The following CACNA1E variants were observed in gnomAD, a reference collection of about 807,000 sequenced individuals.
CACNA1E encodes calcium voltage-gated channel subunit alpha1 E.
Under a neutral mutation model 259.2 loss-of-function variants are expected in CACNA1E, and 40 were observed. That is an observed-to-expected ratio of 0.15 (90% CI 0.12 to 0.20). CACNA1E has a LOEUF of 0.20. Ranked by LOEUF, CACNA1E falls within the 10% of genes least tolerant of loss-of-function variation. CACNA1E has a pLI of 1.00. For missense variants in CACNA1E, 1,874 were observed against 3,040.1 expected (o/e 0.62, Z 9.02); for synonymous variants, 1,104 against 1,138.5 (o/e 0.97, Z 0.61).
chr1:181,601,670 A>C (rs1161406625), intron 6 of CACNA1E, among the ~76,000 whole-genome samples: 1 of 152,142 alleles, frequency 6.6e-6, no homozygotes, highest in African/African-American at 2.4e-5. Context: ...CCCTGGTCTA[A>C]GCCACCACCA....
chr1:181,346,659 G>A (rs1180732564), intron 1 of CACNA1E, among the ~76,000 whole-genome samples: 2 of 152,194 alleles, frequency 1.3e-5, no homozygotes, highest in African/African-American at 4.8e-5. Context: ...CCAATCTCAG[G>A]TGTGTCAATG....
chr1:181,322,264 G>A (rs1188593026), intron 1 of CACNA1E, among the ~76,000 whole-genome samples: 1 of 152,106 alleles, frequency 6.6e-6, no homozygotes, highest in Admixed American at 6.5e-5. Flanking sequence ...TCTACAATAT[G>A]CCCTGAATGA....
chr1:181,572,171 C>T (rs1042111895), intron 3 of CACNA1E, among the ~76,000 whole-genome samples: 1 of 152,062 alleles, frequency 6.6e-6, no homozygotes, highest in Non-Finnish European at 1.5e-5. Flanking sequence ...ATATTATAGA[C>T]CTGGATTGAC....
At chr1:181,453,340 A>C (rs1661275025) in intron 2 of CACNA1E, among the ~76,000 whole-genome samples, 1 of 152,202 alleles carries the variant, frequency 6.6e-6, no homozygotes, top group African/African-American at 2.4e-5. Flanking sequence ...TTCCTGACTC[A>C]CAAATTGTGA....
intron 2 of CACNA1E, among the ~76,000 whole-genome samples, chr1:181,440,979 G>T (rs371878547): frequency 1.3e-5 from 1 of 74,350 alleles, no homozygotes; most frequent in African/African-American, 5.3e-5. Context: ...AGACGACCTT[G>T]TTTCAAAAAA....
intron 3 of CACNA1E, among the ~76,000 whole-genome samples, chr1:181,575,674 G>A (rs1199940675): frequency 1.3e-5 from 2 of 152,148 alleles, no homozygotes; most frequent in African/African-American, 4.8e-5. Flanking sequence ...TGAAAAGAGT[G>A]TCTCATGTGT....
chr1:181,727,497 C>T (rs1348246390), intron 18 of CACNA1E, among the ~76,000 whole-genome samples: 1 of 152,188 alleles, frequency 6.6e-6, no homozygotes, highest in Non-Finnish European at 1.5e-5. Flanking sequence ...GGAACAGAAC[C>T]CAGTTGAAGT....
chr1:181,361,709 T>C (rs2101919470), intron 1 of CACNA1E, among the ~76,000 whole-genome samples: 1 of 152,294 alleles, frequency 6.6e-6, no homozygotes, highest in African/African-American at 2.4e-5. Context: ...TGACTGTCAC[T>C]GCTCTGTTTG....
Position 181,807,454 on chromosome 1 carries a change from TC to T in CACNA1E, c.*8624del, listed in dbSNP as rs1356320410. On this transcript the variant is annotated 3_prime_UTR_variant, in exon 48 of 48. Coordinates refer to ENST00000367573, the MANE Select transcript of CACNA1E (RefSeq NM_001205293.3). ...CCATTCTTCCTCCTGTCCACATCAC[TC>T]CCCATTTAACTGCAATTGCTCCCTT... 6.6e-6 allele frequency: 1 copy of T among 151,854 alleles called. No individual in the cohort carries two copies. The highest frequency in any genetic ancestry group is 2.1e-4 in the South Asian group (1 of 4,790). 9.4% of individuals were successfully genotyped at this position (151,854 alleles called of 1,614,324 possible).
chr1:181,426,823 T>A (rs1449703205), intron 2 of CACNA1E, among the ~76,000 whole-genome samples: 3 of 22,434 alleles, frequency 1.3e-4, no homozygotes, highest in East Asian at 1.4e-3. Context: ...CCATCTCAAC[T>A]CCTTCCCATC....
chr1:181,372,829 T>TA (rs200880723), intron 1 of CACNA1E, among the ~76,000 whole-genome samples: 2,245 of 86,346 alleles, frequency 0.026, 32 homozygotes, highest in African/African-American at 0.064. Context: ...TATATATATA[T>TA]TTTTTTTTTA....
At chr1:181,690,405 A>G (rs1651025409) in intron 7 of CACNA1E, among the ~76,000 whole-genome samples, 1 of 152,198 alleles carries the variant, frequency 6.6e-6, no homozygotes, top group South Asian at 2.1e-4. Context: ...GAAGTCAGGT[A>G]GCATGATGCC....
At chr1:181,762,758 T>C in intron 33 of CACNA1E, 101 bp downstream of exon 33, 1 of 703,692 alleles carries the variant, frequency 1.4e-6, no homozygotes, top group Non-Finnish European at 2.5e-6. Context: ...CCAAAGCAAA[T>C]GCGTACCCCT....
At chr1:181,401,289 G>A (rs1193472320) in intron 1 of CACNA1E, among the ~76,000 whole-genome samples, 1 of 152,106 alleles carries the variant, frequency 6.6e-6, no homozygotes, top group East Asian at 1.9e-4. Context: ...ACCCTGACAT[G>A]ATGCACAGTT....
intron 6 of CACNA1E, among the ~76,000 whole-genome samples, chr1:181,645,330 A>G (rs1191701050): frequency 6.6e-6 from 1 of 151,974 alleles, no homozygotes; most frequent in Non-Finnish European, 1.5e-5. Context: ...AATCCGGGGT[A>G]CCTTTATGAC....
chr1:181,517,193 G>A (rs1397616162), intron 3 of CACNA1E, among the ~76,000 whole-genome samples: 1 of 152,178 alleles, frequency 6.6e-6, no homozygotes, highest in African/African-American at 2.4e-5. Flanking sequence ...TGGAAAGGAT[G>A]GACAGATGGA....
chr1:181,503,219 A>G (rs1050349951), intron 1 of CACNA1E, among the ~76,000 whole-genome samples: 1 of 152,250 alleles, frequency 6.6e-6, no homozygotes, highest in Non-Finnish European at 1.5e-5. Flanking sequence ...GGACAGATGT[A>G]TCTTTCTCAG....
At chr1:181,578,508 A>G (rs1284238878) in intron 4 of CACNA1E, among the ~76,000 whole-genome samples, 1 of 152,246 alleles carries the variant, frequency 6.6e-6, no homozygotes, top group Non-Finnish European at 1.5e-5. Flanking sequence ...CCAAGGCTGC[A>G]GTGAGCCAAG....
upstream of CACNA1E, among the ~76,000 whole-genome samples, chr1:181,481,335 T>TACACACACACACACAC (rs113766656): frequency 1.4e-4 from 20 of 145,508 alleles, no homozygotes; most frequent in Admixed American, 4.1e-4. Flanking sequence ...AGAATTTTCC[T>TACACACACACACACAC]ACACACACAC....
Sources: gnomAD v4.1 joint callset for allele counts (sites outside exome capture counted in the v4.1 genomes callset) on GRCh38, gnomAD v4.1.1 for gene constraint, MANE v1.5 for transcripts, NCBI Gene and HGNC (gene_info 2026-07-23, HGNC 2026-07-21) for gene names.